The following DNAJB2 variants were observed in gnomAD, a reference collection of about 807,000 sequenced individuals.
The protein encoded by DNAJB2 is dnaJ homolog subfamily B member 2.
A neutral mutation model predicts 33.3 loss-of-function variants in DNAJB2; 19 were observed. That is an observed-to-expected ratio of 0.57 (90% CI 0.40 to 0.84). The LOEUF (loss-of-function observed/expected upper bound fraction) is 0.84, where lower values mean the gene tolerates loss of function less well. Ranked by LOEUF, DNAJB2 falls within the 40% of genes least tolerant of loss-of-function variation. DNAJB2 has a pLI of 0.00. For missense variants in DNAJB2, 368 were observed against 430.9 expected, an observed-to-expected ratio of 0.85 and a Z score of 1.29; for synonymous variants, 172 against 164.6, an observed-to-expected ratio of 1.04 and a Z score of -0.34.
At position 219,279,960 on chromosome 2, in the gene DNAJB2, C is replaced by G. The variant is rs569003467; in HGVS notation, c.65+62C>G. On this transcript the variant is annotated intron_variant, in intron 2 of 8. Coordinates refer to ENST00000336576, the MANE Select transcript of DNAJB2 (RefSeq NM_006736.6). This position sits in a 1 kb window ranked among gnomAD's most constrained non-coding sequence, Gnocchi z 4.9. Reference sequence around the variant, plus strand: ...CTCCACCCGCCACCACCATGGGGCACTTCAGAGTGACACCTGTAGGTGTCT... The same window carrying G: ...CTCCACCCGCCACCACCATGGGGCAGTTCAGAGTGACACCTGTAGGTGTCT... 3.8e-6 allele frequency: 6 copies of G among 1,589,108 alleles called. No individual in the cohort carries two copies. Among genetic ancestry groups the G allele is most frequent in the African/African-American group, 1.3e-5 (1 of 74,430 alleles).
Position 219,283,462 on chromosome 2 carries a change from G to A in DNAJB2, c.592G>A (p.Gly198Arg). The change falls in exon 8 of 9, where the codon GGG becomes AGG. Residue 198 changes from glycine (G) to arginine (R), a missense_variant. Physicochemically the swap from Gly to Arg is moderately radical, Grantham distance 125. Transcript: ENST00000336576. Reference sequence around the variant, plus strand: ...GGAGCGGGTGGAAGTGGAGGAGGATGGGCAGCTGAAGTCAGTCACAATCAA... The same window carrying A: ...GGAGCGGGTGGAAGTGGAGGAGGATAGGCAGCTGAAGTCAGTCACAATCAA... The part of the protein sequence containing the change: ...GQERVEVEED[G>R]QLKSVTINGV... 2 of 1,614,090 alleles carry A rather than the reference G, an allele frequency of 1.2e-6. No homozygotes were observed. The highest frequency in any genetic ancestry group is 8.5e-7 in the Non-Finnish European group (1 of 1,179,982).
In DNAJB2 at chr2:219,285,035, A is replaced by G. The variant is rs955464529; in HGVS notation, c.*48A>G. On this transcript the variant is annotated 3_prime_UTR_variant, in exon 9 of 9. Coordinates refer to ENST00000336576, the MANE Select transcript of DNAJB2 (RefSeq NM_006736.6). ...ATCCAGATCTTGACTGGGGGGTCTG[A>G]CTCACTGTGGGAAGAGAAGAGGGGA... is the stretch of plus-strand genomic sequence containing the variant. The G allele has an allele frequency of 3.5e-6, 5 of 1,442,596 alleles. No homozygotes were observed. The highest frequency in any genetic ancestry group is 1.4e-5 in the African/African-American group (1 of 70,072). 89.4% of individuals were successfully genotyped at this position (1,442,596 alleles called of 1,614,324 possible). A position where few individuals can be genotyped will look rare whatever the true frequency, so the allele number is the denominator to read the frequency against.
Position 219,281,995 on chromosome 2 carries a change from T to C in DNAJB2, c.286T>C (p.Phe96Leu), listed in dbSNP as rs1951909271. The change falls in exon 5 of 9, where the codon TTC becomes CTC. Residue 96 changes from phenylalanine (F) to leucine (L), a missense_variant. By Grantham distance (22) the Phe-to-Leu change is conservative. Transcript: ENST00000336576. ...GSGGPGFTFT[F>L]RSPEEVFREF... ...TGGTGGGCCTGGCTTCACCTTCACC[T>C]TCCGCAGCCCCGAGGAGGTCTTCCG... 3.1e-6 allele frequency: 5 copies of C among 1,614,204 alleles called. No individual in the cohort carries two copies. The highest frequency in any genetic ancestry group is 4.2e-6 in the Non-Finnish European group (5 of 1,180,040).
At position 219,285,881 on chromosome 2, in the gene DNAJB2, T is replaced by A. The variant is rs555713950; in HGVS notation, c.*894T>A. ...CTGCTTCCCTACCACAAATCAGGGC[T>A]CAGGGAGAGGCCATGCGGCCAGCCC... On this transcript the variant is annotated 3_prime_UTR_variant, in exon 9 of 9. Coordinates refer to ENST00000336576, the MANE Select transcript of DNAJB2 (RefSeq NM_006736.6). 8 of 1,543,150 alleles carry A rather than the reference T, an allele frequency of 5.2e-6. No individual in the cohort carries two copies. In the African/African-American group the frequency reaches 1.1e-4, roughly 21 times the overall value.
chr2:219,284,017 C>T (rs1158414754), intron 8 of DNAJB2, among the ~76,000 whole-genome samples: 5 of 152,202 alleles, frequency 3.3e-5, no homozygotes, highest in African/African-American at 4.8e-5. Context: ...CCCAGCACTG[C>T]GTACCAAGCC....
At chr2:219,283,005 C>A in intron 6 of DNAJB2, 76 bp downstream of exon 6, 9 of 1,567,088 alleles carry the variant, frequency 5.7e-6, no homozygotes, top group Non-Finnish European at 6.1e-6. Context: ...CTTTTCCAAG[C>A]CTGTCTCCTG....
At position 219,283,239 on chromosome 2, in the gene DNAJB2, A is replaced by G. The variant is rs1282133532; in HGVS notation, c.548+4A>G. 4.3e-6 allele frequency: 7 copies of G among 1,614,048 alleles called. No individual in the cohort carries two copies. Among genetic ancestry groups the G allele is most frequent in the Middle Eastern group, 1.6e-4 (1 of 6,084 alleles). On this transcript the variant is annotated splice_donor_region_variant and intron_variant, in intron 7 of 8. Coordinates refer to ENST00000336576, the MANE Select transcript of DNAJB2 (RefSeq NM_006736.6). ...GACGCCGCATCACCACACGCAGGTG[A>G]GAGCTCCTTCTGGGGCCATAGAGGG...
rs1371652340 is a variant in DNAJB2 at position 219,285,898 on chromosome 2, G to A, written c.*911G>A. 8.3e-6 allele frequency: 13 copies of A among 1,573,706 alleles called. No homozygotes were observed. Among genetic ancestry groups the A allele is most frequent in the African/African-American group, 8.1e-5 (6 of 74,458 alleles). On this transcript the variant is annotated 3_prime_UTR_variant, in exon 9 of 9. Coordinates refer to ENST00000336576, the MANE Select transcript of DNAJB2 (RefSeq NM_006736.6). ...ATCAGGGCTCAGGGAGAGGCCATGC[G>A]GCCAGCCCAGGTCTGCATGCTGAGC...
chr2:219,279,717 TC>T lies in DNAJB2; in HGVS notation c.-36-79del. 1 of 1,189,746 alleles carries T rather than the reference TC, an allele frequency of 8.4e-7. No individual in the cohort carries two copies. The highest frequency in any genetic ancestry group is 1.2e-6 in the Non-Finnish European group (1 of 840,868). 73.7% of individuals were successfully genotyped at this position (1,189,746 alleles called of 1,614,324 possible). ...GCTCCGCTTCCAACTGGGAGCGCCT[TC>T]CGCCACCCGGGGAGGGGGACTGCTG... is the stretch of plus-strand genomic sequence containing the variant. On this transcript the variant is annotated intron_variant, in intron 1 of 8. Transcript: ENST00000336576. This position sits in a 1 kb window ranked among gnomAD's most constrained non-coding sequence, Gnocchi z 4.9.
chr2:219,285,945 C>T lies in DNAJB2; in HGVS notation c.*958C>T. On this transcript the variant is annotated 3_prime_UTR_variant, in exon 9 of 9. Coordinates refer to ENST00000336576, the MANE Select transcript of DNAJB2 (RefSeq NM_006736.6). ...GAGCCCCATCCTCCACAGCTTGCCG[C>T]TGACGCTCTCTCCTGTCACCCCGCC... 6.2e-7 allele frequency: 1 copy of T among 1,609,552 alleles called. No homozygotes were observed. The highest frequency in any genetic ancestry group is 8.5e-7 in the Non-Finnish European group (1 of 1,179,116).
In DNAJB2 at chr2:219,286,615, C is replaced by T. The variant is rs1320088111; in HGVS notation, c.*1628C>T. 1 of 152,676 alleles carries T rather than the reference C, an allele frequency of 6.5e-6. No individual in the cohort carries two copies. Among genetic ancestry groups the T allele is most frequent in the African/African-American group, 2.4e-5 (1 of 41,448 alleles). The allele number at this position is 152,676 out of a possible 1,614,324, so 9.5% of individuals were successfully genotyped here. A position where few individuals can be genotyped will look rare whatever the true frequency, so the allele number is the denominator to read the frequency against. On this transcript the variant is annotated 3_prime_UTR_variant, in exon 9 of 9. Transcript: ENST00000336576. ...GCAGAGAGCTTCGAGGGCAAGGCCACCCGCGGGGGCGTGTGTGTGGTGGGG... is the reference window on the plus strand; with the variant it reads ...GCAGAGAGCTTCGAGGGCAAGGCCATCCGCGGGGGCGTGTGTGTGGTGGGG...
Position 219,286,137 on chromosome 2 carries a change from G to A in DNAJB2, c.*1150G>A. ...GGGCCTGGGTGGCGGGTGGGGGCCGGGTGGGAGGTGGCAGTAGTCTTAGCC... is the reference window on the plus strand; with the variant it reads ...GGGCCTGGGTGGCGGGTGGGGGCCGAGTGGGAGGTGGCAGTAGTCTTAGCC... On this transcript the variant is annotated 3_prime_UTR_variant, in exon 9 of 9. Coordinates refer to ENST00000336576, the MANE Select transcript of DNAJB2 (RefSeq NM_006736.6). 2.7e-6 allele frequency: 2 copies of A among 731,716 alleles called. No homozygotes were observed. Among genetic ancestry groups the A allele is most frequent in the Non-Finnish European group, 4.4e-6 (2 of 453,684 alleles). 45.3% of individuals were successfully genotyped at this position (731,716 alleles called of 1,614,324 possible). A position where few individuals can be genotyped will look rare whatever the true frequency, so the allele number is the denominator to read the frequency against.
In DNAJB2 at chr2:219,284,971, G is replaced by A. The variant is rs756038105; in HGVS notation, c.959G>A (p.Arg320His). Reference sequence around the variant, plus strand: ...CCATCCCCAGAGGAGAAGGCCTCTCGCTGCCTCATCCTCTGAACACCGGGC... The same window carrying A: ...CCATCCCCAGAGGAGAAGGCCTCTCACTGCCTCATCCTCTGAACACCGGGC... ...RSPSPEEKAS[R>H]CLIL The change falls in exon 9 of 9, where the codon CGC becomes CAC. Residue 320 changes from arginine (R) to histidine (H), a missense_variant. Physicochemically the swap from Arg to His is conservative, Grantham distance 29. Coordinates refer to ENST00000336576, the MANE Select transcript of DNAJB2 (RefSeq NM_006736.6). 7 of 1,519,158 alleles carry A rather than the reference G, an allele frequency of 4.6e-6. No individual in the cohort carries two copies. Among genetic ancestry groups the A allele is most frequent in the South Asian group, 1.3e-5 (1 of 77,576 alleles). 94.1% of individuals were successfully genotyped at this position (1,519,158 alleles called of 1,614,324 possible). A position where few individuals can be genotyped will look rare whatever the true frequency, so the allele number is the denominator to read the frequency against.
In DNAJB2 at chr2:219,284,742, C is replaced by T. The variant is rs749436734; in HGVS notation, c.730C>T (p.Pro244Ser). ...TQVQQTPASC[P>S]LDSDLSEDED... ...GGTCCAGCAGACCCCTGCCTCATGC[C>T]CCTTGGACAGCGACCTCTCTGAGGA... Residue 244 changes from proline (P) to serine (S), a missense_variant, in exon 9 of 9, where the codon CCC becomes TCC. Transcript: ENST00000336576. 6.8e-6 allele frequency: 11 copies of T among 1,613,566 alleles called. No homozygotes were observed. Among genetic ancestry groups the T allele is most frequent in the Non-Finnish European group, 8.5e-6 (10 of 1,179,986 alleles).
Position 219,281,923 on chromosome 2 carries a change from C to T in DNAJB2, c.230-16C>T. The stretch of plus-strand genomic sequence containing the variant: ...GGATGCATGCCCTAAGCTCTCTCCT[C>T]ATCCTGCCTTTCCAGGAACTGGCCC... On this transcript the variant is annotated splice_polypyrimidine_tract_variant and intron_variant, in intron 4 of 8. Coordinates refer to ENST00000336576, the MANE Select transcript of DNAJB2 (RefSeq NM_006736.6). The T allele has an allele frequency of 6.2e-7, 1 of 1,613,752 alleles. No homozygotes were observed. Among genetic ancestry groups the T allele is most frequent in the African/African-American group, 1.3e-5 (1 of 75,046 alleles).
At chr2:219,284,094 ATTTTCTTTT>A (rs1219331488) in intron 8 of DNAJB2, among the ~76,000 whole-genome samples, 2 of 151,678 alleles carry the variant, frequency 1.3e-5, no homozygotes, top group African/African-American at 4.8e-5. Flanking sequence ...CATCATTCCC[ATTTTCTTTT>A]TTTTCTTTTT....
rs6729462 is a variant in DNAJB2, at chr2:219,286,580, G to T, written c.*1593G>T. The T allele has an allele frequency of 0.01, 1,586 of 153,100 alleles. 36 individuals carry two copies. The highest frequency in any genetic ancestry group is 0.035 in the African/African-American group (1,465 of 41,574). 9.5% of individuals were successfully genotyped at this position (153,100 alleles called of 1,614,324 possible). On this transcript the variant is annotated 3_prime_UTR_variant, in exon 9 of 9. Transcript: ENST00000336576. The stretch of plus-strand genomic sequence containing the variant: ...GGGTGTGGCCCCAGAAAGCTGAGGA[G>T]TGTGGGCTGGCAGAGAGCTTCGAGG...
intron 3 of DNAJB2, chr2:219,281,413 T>G (rs1235580382): frequency 2.6e-6 from 1 of 388,652 alleles, no homozygotes; most frequent in Non-Finnish European, 4.7e-6. Context: ...TAACATTTAT[T>G]GAACACTTTC....
Position 219,284,963 on chromosome 2 carries a change from G to A in DNAJB2, c.951G>A (p.Lys317=). ...ATKRSPSPEE[K]ASRCLIL is the part of the protein sequence containing the mutation. ...AACGCAGTCCATCCCCAGAGGAGAA[G>A]GCCTCTCGCTGCCTCATCCTCTGAA... is the stretch of plus-strand genomic sequence containing the variant. Residue 317 remains lysine, a synonymous_variant, in exon 9 of 9, where the codon AAG becomes AAA. Transcript: ENST00000336576. 3 of 1,529,550 alleles carry A rather than the reference G, an allele frequency of 2.0e-6. No homozygotes were observed. The highest frequency in any genetic ancestry group is 1.3e-5 in the South Asian group (1 of 79,176). 94.7% of individuals were successfully genotyped at this position (1,529,550 alleles called of 1,614,324 possible).
Sources: gnomAD v4.1 joint callset for allele counts (sites outside exome capture counted in the v4.1 genomes callset) on GRCh38, gnomAD v4.1.1 for gene constraint, Gnocchi (gnomAD v3.1) non-coding constraint, MANE v1.5 for transcripts, NCBI Gene and HGNC (gene_info 2026-07-23, HGNC 2026-07-21) for gene names.